Variants in SEMA5A observed in about 807,000 individuals in gnomAD.
The protein encoded by SEMA5A is semaphorin 5A, also known as semaphorin-5A.
SEMA5A carries 55 observed loss-of-function variants against 135.5 expected under a neutral mutation model. The ratio of observed to expected loss-of-function variants is 0.41; its 90% CI spans 0.33 to 0.51. SEMA5A has a LOEUF of 0.51. SEMA5A is among the 20% of genes least tolerant of loss of function. The pLI is 0.37. For synonymous variants in SEMA5A, 580 were observed against 546.5 expected (o/e 1.06, Z -0.85); for missense variants, 1,290 against 1,419.9 (o/e 0.91, Z 1.47).
chr5:9,166,166 C>A (rs1054862363), intron 11 of SEMA5A, among the ~76,000 whole-genome samples: 6 of 152,198 alleles, frequency 3.9e-5, no homozygotes, highest in African/African-American at 1.2e-4. Flanking sequence ...ATAGCCTGAC[C>A]CTCTGCATGT....
In SEMA5A at chr5:9,545,215, G is replaced by T. The variant is rs928746325; in HGVS notation, c.-175+369C>A. Among the ~76,000 whole-genome samples, 168 of 152,194 alleles carry T rather than the reference G, an allele frequency of 1.1e-3. No individual in the cohort carries two copies. Among genetic ancestry groups the T allele is most frequent in the African/African-American group, 3.9e-3 (164 of 41,556 alleles). On this transcript the variant is annotated intron_variant, in intron 1 of 22. Coordinates refer to ENST00000382496, the MANE Select transcript of SEMA5A (RefSeq NM_003966.3). The surrounding 1 kb of genome is among the most constrained non-coding windows in gnomAD (Gnocchi z 4.5). Reference sequence around the variant, plus strand: ...CTGCCCCCGGCTCGCGGCAGTGCGAGCCTGGAGGCGCGCCGGGGGCGGGCA... The same window carrying T: ...CTGCCCCCGGCTCGCGGCAGTGCGATCCTGGAGGCGCGCCGGGGGCGGGCA...
chr5:9,052,766 G>A (rs1205858347), intron 19 of SEMA5A, among the ~76,000 whole-genome samples: 1 of 151,866 alleles, frequency 6.6e-6, no homozygotes, highest in Non-Finnish European at 1.5e-5. Flanking sequence ...GCATACAGAT[G>A]TGTGAAAAGA....
At chr5:9,446,461 T>G (rs963826282) in intron 1 of SEMA5A, among the ~76,000 whole-genome samples, 32 of 152,192 alleles carry the variant, frequency 2.1e-4, no homozygotes, top group African/African-American at 7.2e-4. Flanking sequence ...TTTCTTATTT[T>G]GGCCACCATG....
intron 1 of SEMA5A, among the ~76,000 whole-genome samples, chr5:9,540,254 G>T (rs1738006637): frequency 6.6e-6 from 1 of 152,142 alleles, no homozygotes; most frequent in African/African-American, 2.4e-5. Context: ...ATCAGTGAAA[G>T]ACTTTAAGAA....
intron 16 of SEMA5A, among the ~76,000 whole-genome samples, chr5:9,105,770 CT>C (rs982211715): frequency 2.6e-5 from 4 of 152,158 alleles, no homozygotes; most frequent in South Asian, 2.1e-4. Context: ...AAAATCAATA[CT>C]TTTTTTATAC....
At chr5:9,447,716 G>C (rs923834739) in intron 1 of SEMA5A, among the ~76,000 whole-genome samples, 2 of 152,148 alleles carry the variant, frequency 1.3e-5, no homozygotes, top group African/African-American at 4.8e-5. Flanking sequence ...TGAGAAATAA[G>C]CTACAACACA....
rs186278840 is a variant in SEMA5A at position 9,430,578 on chromosome 5, C to G, written c.-78+7178G>C. Among the ~76,000 whole-genome samples the G allele has an allele frequency of 1.3e-3, 200 of 152,132 alleles. 2 individuals carry two copies. Among genetic ancestry groups the G allele is most frequent in the Non-Finnish European group, 4.9e-4 (33 of 68,006 alleles). On this transcript the variant is annotated intron_variant, in intron 2 of 22. Transcript: ENST00000382496. ...AAAGCCCAGAGATATGAGGTCAGGC[C>G]AGAGAAATGGAGCATCCTAAAGCCA...
intron 6 of SEMA5A, among the ~76,000 whole-genome samples, chr5:9,227,346 C>T (rs190923697): frequency 2.2e-4 from 34 of 152,176 alleles, no homozygotes; most frequent in Admixed American, 5.2e-4. Flanking sequence ...TGGCCTTGGA[C>T]GGGTATTAGG....
intron 5 of SEMA5A, among the ~76,000 whole-genome samples, chr5:9,286,961 G>A (rs6873909): frequency 0.69 from 104,223 of 152,084 alleles, 36,885 homozygotes; most frequent in South Asian, 0.82. Context: ...TTTTTTAGTT[G>A]CAGGCAAAAC....
At chr5:9,093,191 T>C (rs563925594) in intron 16 of SEMA5A, among the ~76,000 whole-genome samples, 37 of 152,304 alleles carry the variant, frequency 2.4e-4, no homozygotes, top group African/African-American at 7.7e-4. Flanking sequence ...AAGGAGAATA[T>C]GGCTACATAC....
chr5:9,118,710 C>T (rs1380021718), intron 15 of SEMA5A, among the ~76,000 whole-genome samples: 1 of 152,142 alleles, frequency 6.6e-6, no homozygotes, highest in African/African-American at 2.4e-5. Flanking sequence ...TCCAGAGTCT[C>T]CAGGAGCCTA....
rs182082821 is a variant in SEMA5A at position 9,136,599 on chromosome 5, G to T, written c.1504C>A (p.Pro502Thr). 1.9e-6 allele frequency: 3 copies of T among 1,614,134 alleles called. No homozygotes were observed. The highest frequency in any genetic ancestry group is 4.5e-5 in the East Asian group (2 of 44,870). ...TRSTCIGAQD[P>T]YCGWDVVMKK... is the part of the protein sequence containing the mutation. ...ATTACCACATCCCAGCCACAGTAAG[G>T]GTCCTGGGCCCCAATGCAGGTGCTG... is the stretch of plus-strand genomic sequence containing the variant. The change falls in exon 13 of 23, where the codon CCT becomes ACT. Residue 502 changes from proline (P) to threonine (T), a missense_variant. By Grantham distance (38) the Pro-to-Thr change is conservative (BLOSUM62 -1). This residue lies in a region of SEMA5A where 1,029 missense variants were observed against 1,086.6 expected (regional missense o/e 0.95). Coordinates refer to ENST00000382496, the MANE Select transcript of SEMA5A (RefSeq NM_003966.3).
At chr5:9,292,995 C>T (rs906176318) in intron 5 of SEMA5A, among the ~76,000 whole-genome samples, 1 of 152,198 alleles carries the variant, frequency 6.6e-6, no homozygotes. Flanking sequence ...TGATGCGAAA[C>T]GTGATCGAGG....
intron 1 of SEMA5A, among the ~76,000 whole-genome samples, chr5:9,461,982 T>A (rs1179314597): frequency 6.6e-6 from 1 of 152,150 alleles, no homozygotes; most frequent in Non-Finnish European, 1.5e-5. Flanking sequence ...TGTGGCAACA[T>A]AAAAGGCAGA....
intron 2 of SEMA5A, among the ~76,000 whole-genome samples, chr5:9,388,684 G>C (rs1477664754): frequency 6.6e-6 from 1 of 152,054 alleles, no homozygotes; most frequent in Non-Finnish European, 1.5e-5. Context: ...CGGATCATGA[G>C]GTCAGAAGAT....
intron 1 of SEMA5A, among the ~76,000 whole-genome samples, chr5:9,507,100 A>G (rs1487599149): frequency 6.6e-6 from 1 of 152,226 alleles, no homozygotes; most frequent in Non-Finnish European, 1.5e-5. Context: ...AATAATTGTA[A>G]TAAATGACAT....
intron 1 of SEMA5A, among the ~76,000 whole-genome samples, chr5:9,528,501 T>A (rs1305464502): frequency 6.6e-6 from 1 of 152,190 alleles, no homozygotes; most frequent in East Asian, 1.9e-4. Context: ...TCCAACCCCA[T>A]GAATCTGAGC....
chr5:9,505,285 C>A (rs767262177), intron 1 of SEMA5A, among the ~76,000 whole-genome samples: 1 of 152,172 alleles, frequency 6.6e-6, no homozygotes, highest in Non-Finnish European at 1.5e-5. Context: ...AAAAGCATTT[C>A]GCTTTCAGTA....
chr5:9,274,360 G>C (rs1351452519), intron 5 of SEMA5A, among the ~76,000 whole-genome samples: 1 of 152,048 alleles, frequency 6.6e-6, no homozygotes, highest in Non-Finnish European at 1.5e-5. Context: ...GACCTACAAA[G>C]AGACTTAGAC....
Sources: allele counts gnomAD v4.1 joint callset (sites outside exome capture counted in the v4.1 genomes callset), GRCh38; gene constraint gnomAD v4.1.1; regional missense constraint gnomAD v4.1.1; non-coding constraint Gnocchi (gnomAD v3.1); transcripts MANE v1.5; gene names NCBI Gene and HGNC (gene_info 2026-07-23, HGNC 2026-07-21).